ENAH: variants seen among roughly 807,000 people sequenced by gnomAD.
The protein encoded by ENAH is protein enabled homolog.
In ENAH, 23 loss-of-function variants were observed where a neutral mutation model predicts 78.7. The observed-to-expected ratio is 0.29, with a 90% CI of 0.21 to 0.41. The LOEUF (loss-of-function observed/expected upper bound fraction) is 0.41. Ranked by LOEUF, ENAH falls within the 10% of genes least tolerant of loss-of-function variation. ENAH has a pLI of 1.00. For missense variants in ENAH, 544 were observed against 691.0 expected, an observed-to-expected ratio of 0.79 and a Z score of 2.39; for synonymous variants, 226 against 241.0, an observed-to-expected ratio of 0.94 and a Z score of 0.58.
At chr1:225,551,618 C>T (rs1271806725) in intron 3 of ENAH, among the ~76,000 whole-genome samples, 1 of 151,896 alleles carries the variant, frequency 6.6e-6, no homozygotes, top group African/African-American at 2.4e-5. Context: ...CACTGAACTA[C>T]CAAAGATCTC....
At position 225,490,436 on chromosome 1, in the gene ENAH, G is replaced by A. The variant is rs2096217119; in HGVS notation, c.*7339C>T. 6.6e-6 allele frequency: 1 copy of A among 152,176 alleles called. No individual in the cohort carries two copies. The highest frequency in any genetic ancestry group is 1.5e-5 in the Non-Finnish European group (1 of 68,068). 9.4% of individuals were successfully genotyped at this position (152,176 alleles called of 1,614,324 possible). Reference sequence around the variant, plus strand: ...AAAAATACAAAAATTAGTCGGGCATGGTGGCACGCGCCTGTAGTCCCAGCT... The same window carrying A: ...AAAAATACAAAAATTAGTCGGGCATAGTGGCACGCGCCTGTAGTCCCAGCT... On this transcript the variant is annotated 3_prime_UTR_variant, in exon 14 of 14. Coordinates refer to ENST00000366843, the MANE Select transcript of ENAH (RefSeq NM_018212.6).
At chr1:225,588,890 ATGTTAGGTAT>A (rs1166584237) in intron 1 of ENAH, among the ~76,000 whole-genome samples, 1 of 152,034 alleles carries the variant, frequency 6.6e-6, no homozygotes, top group Non-Finnish European at 1.5e-5. Flanking sequence ...GTCAATTTCA[ATGTTAGGTAT>A]TGCTCAAAAC....
At chr1:225,614,585 G>A (rs1172775836) in intron 1 of ENAH, among the ~76,000 whole-genome samples, 1 of 152,078 alleles carries the variant, frequency 6.6e-6, no homozygotes, top group Non-Finnish European at 1.5e-5. Context: ...TTAAATCACT[G>A]GCCACTGGTT....
In ENAH at chr1:225,496,768, G is replaced by A. The variant is rs1043679507; in HGVS notation, c.*1007C>T. 1.3e-5 allele frequency: 2 copies of A among 152,606 alleles called. No individual in the cohort carries two copies. The highest frequency in any genetic ancestry group is 2.4e-5 in the African/African-American group (1 of 41,444). The allele number at this position is 152,606 out of a possible 1,614,324, so 9.5% of individuals were successfully genotyped here. A position where few individuals can be genotyped will look rare whatever the true frequency, so the allele number is the denominator to read the frequency against. On this transcript the variant is annotated 3_prime_UTR_variant, in exon 14 of 14. Coordinates refer to ENST00000366843, the MANE Select transcript of ENAH (RefSeq NM_018212.6). Reference sequence around the variant, plus strand: ...AGGTAACTGAGAAAAAGATAGTGCAGAAATCAACTTTAAATAAAAAATTAT... The same window carrying A: ...AGGTAACTGAGAAAAAGATAGTGCAAAAATCAACTTTAAATAAAAAATTAT...
intron 3 of ENAH, among the ~76,000 whole-genome samples, chr1:225,540,067 C>T (rs1301036304): frequency 6.6e-6 from 1 of 152,012 alleles, no homozygotes; most frequent in African/African-American, 2.4e-5. Flanking sequence ...AGAAATCTGT[C>T]TAAAGACTCT....
In ENAH at chr1:225,653,119, G is replaced by A. The variant is rs947963444; in HGVS notation, c.-429C>T. On this transcript the variant is annotated 5_prime_UTR_variant, in exon 1 of 14. Coordinates refer to ENST00000366843, the MANE Select transcript of ENAH (RefSeq NM_018212.6). The surrounding 1 kb of genome is among the most constrained non-coding windows in gnomAD (Gnocchi z 4.3). ...GGCAGCTGCTGCAGCCGCGGGAGGA[G>A]AGTCGGGATCGCCGCGAGGAACCCG... The A allele has an allele frequency of 6.6e-6, 1 of 151,886 alleles. No individual in the cohort carries two copies. Among genetic ancestry groups the A allele is most frequent in the Non-Finnish European group, 1.5e-5 (1 of 67,958 alleles). 9.4% of individuals were successfully genotyped at this position (151,886 alleles called of 1,614,324 possible).
intron 1 of ENAH, among the ~76,000 whole-genome samples, chr1:225,617,632 T>C (rs1040647496): frequency 2.0e-5 from 3 of 152,212 alleles, no homozygotes; most frequent in African/African-American, 7.2e-5. Context: ...AAACTCAACT[T>C]AATTTGTATC....
At chr1:225,557,370 T>C (rs1221070730) in intron 2 of ENAH, among the ~76,000 whole-genome samples, 1 of 152,228 alleles carries the variant, frequency 6.6e-6, no homozygotes, top group Non-Finnish European at 1.5e-5. Context: ...TGATCGGCAA[T>C]GGACAGCTTT....
Position 225,652,744 on chromosome 1 carries a change from A to C in ENAH, c.-54T>G, listed in dbSNP as rs1663278387. Reference sequence around the variant, plus strand: ...CAGCCGGGAGACGCAGAAGGCGCCGAGCCGAGGGGGGGGTCTCTCCTCCAG... The same window carrying C: ...CAGCCGGGAGACGCAGAAGGCGCCGCGCCGAGGGGGGGGTCTCTCCTCCAG... On this transcript the variant is annotated 5_prime_UTR_variant, in exon 1 of 14. Transcript: ENST00000366843. 7.7e-7 allele frequency: 1 copy of C among 1,303,050 alleles called. No homozygotes were observed. The highest frequency in any genetic ancestry group is 3.1e-5 in the East Asian group (1 of 32,398). 80.7% of individuals were successfully genotyped at this position (1,303,050 alleles called of 1,614,324 possible).
At chr1:225,582,252 C>A (rs1472808897) in intron 1 of ENAH, among the ~76,000 whole-genome samples, 1 of 152,072 alleles carries the variant, frequency 6.6e-6, no homozygotes, top group Non-Finnish European at 1.5e-5. Context: ...TGAGGCCTCC[C>A]CGGAAGCCAG....
At chr1:225,638,411 G>A (rs755059239) in intron 1 of ENAH, among the ~76,000 whole-genome samples, 9 of 151,968 alleles carry the variant, frequency 5.9e-5, no homozygotes, top group South Asian at 2.1e-4. Context: ...CACCCACCTC[G>A]GCCTCCCAAA....
chr1:225,608,306 T>G (rs1026335865), intron 1 of ENAH, among the ~76,000 whole-genome samples: 3 of 150,122 alleles, frequency 2.0e-5, no homozygotes, highest in Admixed American at 6.6e-5. Context: ...AACAAGGAGT[T>G]CTCCCTTTTC....
chr1:225,519,834 G>C (rs1473826875), intron 4 of ENAH, among the ~76,000 whole-genome samples: 1 of 152,146 alleles, frequency 6.6e-6, no homozygotes, highest in African/African-American at 2.4e-5. Context: ...GAGTAGTGTT[G>C]CAAGTAAATG....
At chr1:225,509,033 T>C (rs1329371130) in intron 10 of ENAH, among the ~76,000 whole-genome samples, 3 of 152,236 alleles carry the variant, frequency 2.0e-5, no homozygotes, top group South Asian at 2.1e-4. Flanking sequence ...AAAGTCATTA[T>C]TGATCTTGCT....
intron 1 of ENAH, among the ~76,000 whole-genome samples, chr1:225,639,504 TC>T (rs1408242007): frequency 6.6e-6 from 1 of 152,096 alleles, no homozygotes; most frequent in African/African-American, 2.4e-5. Flanking sequence ...ACCCCTTTTT[TC>T]TGTTTTGAGC....
intron 11 of ENAH, among the ~76,000 whole-genome samples, chr1:225,504,007 CTTT>C (rs565782427): frequency 1.4e-5 from 2 of 142,714 alleles, no homozygotes; most frequent in Admixed American, 7.0e-5. Context: ...TTTTATTTCA[CTTT>C]TTTTTTTTTT....
chr1:225,583,203 G>A (rs889337298), intron 1 of ENAH, among the ~76,000 whole-genome samples: 1 of 152,086 alleles, frequency 6.6e-6, no homozygotes, highest in African/African-American at 2.4e-5. Flanking sequence ...TTGGGAGGCT[G>A]AGGCGAGCAG....
In ENAH at chr1:225,515,058, T is replaced by G. The variant is rs2096407137; in HGVS notation, c.914-158A>C. 5.7e-6 allele frequency: 4 copies of G among 697,120 alleles called. No homozygotes were observed. The Admixed American group carries it at 1.1e-4, about 19-fold the overall frequency. The allele number at this position is 697,120 out of a possible 1,614,324, so 43.2% of individuals were successfully genotyped here. On this transcript the variant is annotated intron_variant, in intron 6 of 13. Coordinates refer to ENST00000366843, the MANE Select transcript of ENAH (RefSeq NM_018212.6). ...TAGTTGTAAAAGTCTAGATCAGTTTTTGAAAGATACTGAAATGTAAGGTCC... is the reference window on the plus strand; with the variant it reads ...TAGTTGTAAAAGTCTAGATCAGTTTGTGAAAGATACTGAAATGTAAGGTCC...
intron 1 of ENAH, among the ~76,000 whole-genome samples, chr1:225,645,705 C>T (rs964335430): frequency 2.6e-5 from 4 of 152,196 alleles, no homozygotes; most frequent in African/African-American, 9.7e-5. Context: ...TCTTATCAAG[C>T]TCATTTTGTG....
Sources: allele counts gnomAD v4.1 joint callset (sites outside exome capture counted in the v4.1 genomes callset), GRCh38; gene constraint gnomAD v4.1.1; non-coding constraint Gnocchi (gnomAD v3.1); transcripts MANE v1.5; gene names NCBI Gene and HGNC (gene_info 2026-07-23, HGNC 2026-07-21).